Variants in PTCD3 observed in about 807,000 individuals in gnomAD.
The protein encoded by PTCD3 is pentatricopeptide repeat domain 3, also known as small ribosomal subunit protein mS39.
Under a neutral mutation model 101.9 loss-of-function variants are expected in PTCD3, and 89 were observed. The ratio of observed to expected loss-of-function variants is 0.87; its 90% CI spans 0.74 to 1.04. The LOEUF (loss-of-function observed/expected upper bound fraction) is 1.04. Among genes scored for constraint, PTCD3 ranks in the 50% least tolerant of loss-of-function variants. PTCD3 has a pLI of 0.00. For synonymous variants in PTCD3, 296 were observed against 278.5 expected, an observed-to-expected ratio of 1.06 and a Z score of -0.63; for missense variants, 870 against 828.2, an observed-to-expected ratio of 1.05 and a Z score of -0.62.
intron 1 of PTCD3, chr2:86,107,280 C>G (rs892178263): frequency 2.1e-6 from 1 of 467,390 alleles, no homozygotes; most frequent in Non-Finnish European, 4.4e-6. Context: ...CTCAAAATAA[C>G]TGTGATCTCT....
chr2:86,119,687 T>C (rs1391912170), intron 7 of PTCD3: 1 of 152,244 alleles, frequency 6.6e-6, no homozygotes, highest in Non-Finnish European at 1.5e-5. Context: ...TTTGGAAGAT[T>C]GGGCCACAAC....
chr2:86,108,126 TAA>T (rs368815233), intron 1 of PTCD3, among the ~76,000 whole-genome samples: 106 of 118,840 alleles, frequency 8.9e-4, no homozygotes, highest in Admixed American at 9.6e-4. Flanking sequence ...ACCCTGTCTC[TAA>T]AAAAAAAAAA....
At chr2:86,124,750 A>G (rs1306184503) in intron 9 of PTCD3, among the ~76,000 whole-genome samples, 1 of 152,168 alleles carries the variant, frequency 6.6e-6, no homozygotes, top group African/African-American at 2.4e-5. Context: ...TTGTTTATAA[A>G]CTTTTCATTT....
At position 86,136,543 on chromosome 2, in the gene PTCD3, AAGCATAATAAGATTCCT is replaced by A; in HGVS notation, c.1804_1820del (p.His602LysfsTer2). On this transcript the variant is annotated frameshift_variant and splice_region_variant, in exon 22 of 24. Transcript: ENST00000254630. LOFTEE classifies it high-confidence loss of function. ...CAGGAAAATGTTGGGGCTTTTCAGGAAGCATAATAAGATTCCTAGGTAAGTTGAAATCAGCCAGCTCT... is the reference window on the plus strand; with the variant it reads ...CAGGAAAATGTTGGGGCTTTTCAGGAAGGTAAGTTGAAATCAGCCAGCTCT... 1 of 1,612,534 alleles carries A rather than the reference AAGCATAATAAGATTCCT, an allele frequency of 6.2e-7. No individual in the cohort carries two copies. The highest frequency in any genetic ancestry group is 8.5e-7 in the Non-Finnish European group (1 of 1,178,582).
intron 1 of PTCD3, chr2:86,107,016 C>T (rs1483822829): frequency 4.8e-6 from 2 of 417,186 alleles, no homozygotes; most frequent in Non-Finnish European, 1.0e-5. Context: ...AGACAGATTT[C>T]CTCATCTGCA....
intron 17 of PTCD3, 185 bp from the exon 18 acceptor site, chr2:86,132,993 G>C: frequency 6.2e-6 from 5 of 812,134 alleles, no homozygotes; most frequent in Non-Finnish European, 9.4e-6. Context: ...TTGAGGGTAG[G>C]GTGTTTAATT....
intron 3 of PTCD3, among the ~76,000 whole-genome samples, chr2:86,110,274 C>T (rs915842459): frequency 2.6e-5 from 4 of 152,140 alleles, no homozygotes; most frequent in African/African-American, 7.2e-5. Context: ...GACTTCTAAA[C>T]GTGGATAGAA....
In PTCD3 at chr2:86,118,993, C is replaced by A; in HGVS notation, c.487C>A (p.Leu163Ile). 6.2e-7 allele frequency: 1 copy of A among 1,614,104 alleles called. No homozygotes were observed. Among genetic ancestry groups the A allele is most frequent in the Non-Finnish European group, 8.5e-7 (1 of 1,180,030 alleles). ...AGCCGCCCTGAAGGAACGAATTGAG[C>A]TCAGAAAAGTCAAAGCCTCTGTGGA... ...SEAALKERIE[L>I]RKVKASVDMF... Residue 163 changes from leucine to isoleucine, a missense_variant, in exon 7 of 24, where the codon CTC (leucine) becomes ATC (isoleucine). Coordinates refer to ENST00000254630, the MANE Select transcript of PTCD3 (RefSeq NM_017952.6).
intron 7 of PTCD3, among the ~76,000 whole-genome samples, chr2:86,120,537 C>T (rs1441319517): frequency 6.6e-6 from 1 of 152,184 alleles, no homozygotes; most frequent in East Asian, 1.9e-4. Context: ...GCCCTGCTTT[C>T]TCTTCTGGAC....
rs748864925 is a variant in PTCD3 at position 86,136,501 on chromosome 2, C to CT, written c.1779-15dup. 7 of 1,598,650 alleles carry CT rather than the reference C, an allele frequency of 4.4e-6. No homozygotes were observed. In the African/African-American group the frequency reaches 9.4e-5, roughly 21 times the overall value. ...TTGTTTTTCTAATAGTATTCATAAT[C>CT]TTTTTCCTTTCTTGAGCAGGAAAAT... is the stretch of plus-strand genomic sequence containing the variant. On this transcript the variant is annotated intron_variant, in intron 21 of 23. Coordinates refer to ENST00000254630, the MANE Select transcript of PTCD3 (RefSeq NM_017952.6).
intron 8 of PTCD3, among the ~76,000 whole-genome samples, chr2:86,121,832 A>G (rs1440652301): frequency 6.6e-6 from 1 of 152,242 alleles, no homozygotes; most frequent in East Asian, 1.9e-4. Flanking sequence ...ATATTAAGGC[A>G]AAGCGTTGAT....
At position 86,138,898 on chromosome 2, in the gene PTCD3, A is replaced by G. The variant is rs1223978186; in HGVS notation, c.*1339A>G. The stretch of plus-strand genomic sequence containing the variant: ...TGACTCTTGTTAGCCTTACTATTCA[A>G]TACAGTCCTTAGATTCACGGTATGC... On this transcript the variant is annotated 3_prime_UTR_variant, in exon 24 of 24. Coordinates refer to ENST00000254630, the MANE Select transcript of PTCD3 (RefSeq NM_017952.6). 1.3e-5 allele frequency: 2 copies of G among 152,220 alleles called. No individual in the cohort carries two copies. Among genetic ancestry groups the G allele is most frequent in the African/African-American group, 2.4e-5 (1 of 41,448 alleles). 9.4% of individuals were successfully genotyped at this position (152,220 alleles called of 1,614,324 possible).
rs1674656545 is a variant in PTCD3 at position 86,140,090 on chromosome 2, T to C, written c.*2531T>C. The C allele has an allele frequency of 6.6e-6, 1 of 152,214 alleles. No individual in the cohort carries two copies. Among genetic ancestry groups the C allele is most frequent in the Admixed American group, 6.5e-5 (1 of 15,282 alleles). The allele number at this position is 152,214 out of a possible 1,614,324, so 9.4% of individuals were successfully genotyped here. ...AATGCTTAATGAATGCCACCAACTC[T>C]GCAAAGTATTCATTGATTTTGAGAC... On this transcript the variant is annotated 3_prime_UTR_variant, in exon 24 of 24. Coordinates refer to ENST00000254630, the MANE Select transcript of PTCD3 (RefSeq NM_017952.6).
At chr2:86,115,842 C>T (rs1374427017) in intron 4 of PTCD3, among the ~76,000 whole-genome samples, 1 of 152,030 alleles carries the variant, frequency 6.6e-6, no homozygotes, top group African/African-American at 2.4e-5. Flanking sequence ...TCAGAGGGCA[C>T]GGTGATATCT....
At chr2:86,136,086 C>A in intron 21 of PTCD3, 1 of 511,656 alleles carries the variant, frequency 2.0e-6, no homozygotes, top group Middle Eastern at 3.2e-4. Context: ...TGTTCTATGC[C>A]TCTTTTCCAG....
chr2:86,118,220 C>T (rs1674211319), intron 6 of PTCD3, among the ~76,000 whole-genome samples: 1 of 152,190 alleles, frequency 6.6e-6, no homozygotes, highest in African/African-American at 2.4e-5. Flanking sequence ...TTACTTTGAA[C>T]TCCACATTGT....
rs371416735 is a variant in PTCD3 at position 86,128,864 on chromosome 2, GTC to G, written c.1147+875_1147+876del. Among the ~76,000 whole-genome samples, 6 of 152,336 alleles carry G rather than the reference GTC, an allele frequency of 3.9e-5. No homozygotes were observed. In the East Asian group the frequency reaches 9.7e-4, roughly 25 times the overall value. On this transcript the variant is annotated intron_variant, in intron 14 of 23. Transcript: ENST00000254630. ...GGTAGTTAAATGAGTTCCACACTGTGTCTGCTACTGTGCTTGGAGGGCACATA... is the reference window on the plus strand; with the variant it reads ...GGTAGTTAAATGAGTTCCACACTGTGTGCTACTGTGCTTGGAGGGCACATA...
intron 21 of PTCD3, among the ~76,000 whole-genome samples, chr2:86,135,613 G>A (rs1674570493): frequency 6.6e-6 from 1 of 152,208 alleles, no homozygotes; most frequent in South Asian, 2.1e-4. Flanking sequence ...TGGTTTTCCT[G>A]TATTTTGTTT....
chr2:86,111,575 G>A (rs1169527800), intron 4 of PTCD3, among the ~76,000 whole-genome samples: 4 of 151,570 alleles, frequency 2.6e-5, no homozygotes, highest in South Asian at 2.1e-4. Flanking sequence ...GCGAAAGAGC[G>A]AGACTCTGTC....
Sources: gnomAD v4.1 joint callset for allele counts (sites outside exome capture counted in the v4.1 genomes callset) on GRCh38, gnomAD v4.1.1 for gene constraint, MANE v1.5 for transcripts, NCBI Gene and HGNC (gene_info 2026-07-23, HGNC 2026-07-21) for gene names.